ANXA10: variants seen among roughly 807,000 people sequenced by gnomAD.
ANXA10 encodes annexin A10.
Under a neutral mutation model 53.5 loss-of-function variants are expected in ANXA10, and 49 were observed. That is an observed-to-expected ratio of 0.92 (90% CI 0.73 to 1.16). ANXA10 has a LOEUF of 1.16. Ranked by LOEUF, ANXA10 falls within the 50% of genes most tolerant of loss-of-function variation. ANXA10 has a pLI of 0.00. For missense variants in ANXA10, 393 were observed against 394.4 expected (o/e 1.00, Z 0.03); for synonymous variants, 131 against 128.9 (o/e 1.02, Z -0.11).
chr4:168,118,704 C>A (rs939338295), intron 1 of ANXA10, among the ~76,000 whole-genome samples: 1 of 152,090 alleles, frequency 6.6e-6, no homozygotes, highest in Non-Finnish European at 1.5e-5. Flanking sequence ...GGGAAGCAGA[C>A]TTTTAGAGAT....
intron 9 of ANXA10, 31 bp from the exon 10 acceptor site, chr4:168,181,652 T>C (rs777147717): frequency 1.2e-5 from 19 of 1,543,960 alleles, no homozygotes; most frequent in Non-Finnish European, 1.6e-5. Flanking sequence ...TCACTCTCAA[T>C]GTTTCTTCTT....
At chr4:168,123,487 T>C (rs1343649054) in intron 1 of ANXA10, among the ~76,000 whole-genome samples, 1 of 152,180 alleles carries the variant, frequency 6.6e-6, no homozygotes, top group Non-Finnish European at 1.5e-5. Flanking sequence ...ACAGGAATCT[T>C]GCTGAAGGCA....
At chr4:168,167,813 C>G (rs906400712) in intron 6 of ANXA10, among the ~76,000 whole-genome samples, 5 of 152,134 alleles carry the variant, frequency 3.3e-5, no homozygotes, top group African/African-American at 1.2e-4. Flanking sequence ...TTTCACGACT[C>G]AAAAACATTT....
At position 168,096,653 on chromosome 4, in the gene ANXA10, C is replaced by T. The variant is rs192775993; in HGVS notation, c.18+3935C>T. On this transcript the variant is annotated intron_variant, in intron 1 of 11. Transcript: ENST00000359299. ...GAGCACTACTTGCTGAATCTTTCTGCACCTCAATTTTTTTTAACCTGTTAA... is the reference window on the plus strand; with the variant it reads ...GAGCACTACTTGCTGAATCTTTCTGTACCTCAATTTTTTTTAACCTGTTAA... 5.8e-3 allele frequency among the ~76,000 whole-genome samples: 880 copies of T among 151,914 alleles called. 4 individuals are homozygous for T. Among genetic ancestry groups the T allele is most frequent in the South Asian group, 8.9e-3 (43 of 4,812 alleles).
chr4:168,158,483 G>T (rs969275860), intron 3 of ANXA10, among the ~76,000 whole-genome samples: 1 of 152,064 alleles, frequency 6.6e-6, no homozygotes, highest in Non-Finnish European at 1.5e-5. Context: ...TATCATGTAA[G>T]AATTTTTTGT....
chr4:168,170,944 T>C (rs1731973484), intron 6 of ANXA10, among the ~76,000 whole-genome samples: 1 of 152,180 alleles, frequency 6.6e-6, no homozygotes. Context: ...ATTTATACTG[T>C]TAGTAAAATG....
At chr4:168,161,221 T>A (rs1731777508) in intron 3 of ANXA10, among the ~76,000 whole-genome samples, 1 of 152,198 alleles carries the variant, frequency 6.6e-6, no homozygotes, top group Non-Finnish European at 1.5e-5. Flanking sequence ...TAATTCATCT[T>A]GAGTTAATTT....
intron 1 of ANXA10, among the ~76,000 whole-genome samples, chr4:168,099,886 G>A (rs1018622087): frequency 6.6e-6 from 1 of 151,966 alleles, no homozygotes; most frequent in Admixed American, 6.6e-5. Context: ...AGAATCACTG[G>A]GTTACATATA....
intron 6 of ANXA10, among the ~76,000 whole-genome samples, chr4:168,169,782 T>G (rs1457166932): frequency 2.0e-5 from 3 of 152,216 alleles, no homozygotes; most frequent in African/African-American, 2.4e-5. Flanking sequence ...CAATTCTACT[T>G]CTATTTGGTA....
At chr4:168,112,507 T>C (rs1428322957) in intron 1 of ANXA10, among the ~76,000 whole-genome samples, 2 of 152,234 alleles carry the variant, frequency 1.3e-5, no homozygotes, top group Non-Finnish European at 2.9e-5. Context: ...AATGAGATCA[T>C]AAATGATTTT....
intron 8 of ANXA10, chr4:168,178,251 A>G: frequency 2.4e-6 from 1 of 417,580 alleles, no homozygotes; most frequent in South Asian, 2.6e-5. Flanking sequence ...ACTTATTCAA[A>G]TATATTAGCT....
At chr4:168,103,681 T>A (rs1730675950) in intron 1 of ANXA10, among the ~76,000 whole-genome samples, 1 of 151,958 alleles carries the variant, frequency 6.6e-6, no homozygotes, top group Admixed American at 6.6e-5. Flanking sequence ...AATAAAATTG[T>A]CAACATCGAC....
chr4:168,095,121 C>T (rs1730520629), intron 1 of ANXA10, among the ~76,000 whole-genome samples: 1 of 151,974 alleles, frequency 6.6e-6, no homozygotes, highest in African/African-American at 2.4e-5. Flanking sequence ...GGATCTAAAC[C>T]CAGGTATCTC....
At chr4:168,161,441 C>T (rs1239322301) in intron 3 of ANXA10, among the ~76,000 whole-genome samples, 1 of 152,086 alleles carries the variant, frequency 6.6e-6, no homozygotes, top group Non-Finnish European at 1.5e-5. Context: ...GTACCAGTAC[C>T]ATGCTGTTTT....
chr4:168,115,497 GCACACACACA>G lies in ANXA10; in HGVS notation c.19-12555_19-12546del, dbSNP rs67627035. On this transcript the variant is annotated intron_variant, in intron 1 of 11. Transcript: ENST00000359299. Reference sequence around the variant, plus strand: ...TTCCATCCCTCCCTACAATACACACGCACACACACACACACACACACACACACACACACAC... The same window carrying G: ...TTCCATCCCTCCCTACAATACACACGCACACACACACACACACACACACAC... 7.7e-3 allele frequency among the ~76,000 whole-genome samples: 1,051 copies of G among 136,512 alleles called. 3 individuals carry two copies. The highest frequency in any genetic ancestry group is 0.026 in the Middle Eastern group (7 of 270). The allele number at this position is 136,512 out of a possible 152,430, so 89.6% of individuals were successfully genotyped here. A position where few individuals can be genotyped will look rare whatever the true frequency, so the allele number is the denominator to read the frequency against.
intron 2 of ANXA10, among the ~76,000 whole-genome samples, chr4:168,134,178 G>A (rs1731198369): frequency 6.6e-6 from 1 of 151,952 alleles, no homozygotes; most frequent in African/African-American, 2.4e-5. Context: ...GCAAATATAA[G>A]TAACTTTAGC....
chr4:168,187,325 TATG>T (rs759302653), intron 11 of ANXA10, 38 bp from the exon 12 acceptor site: 4 of 1,323,690 alleles, frequency 3.0e-6, no homozygotes, highest in Non-Finnish European at 4.2e-6. Context: ...TTAGAACTAT[TATG>T]ATATTTTATT....
chr4:168,113,979 A>G (rs1412776070), intron 1 of ANXA10, among the ~76,000 whole-genome samples: 1 of 152,168 alleles, frequency 6.6e-6, no homozygotes, highest in Non-Finnish European at 1.5e-5. Flanking sequence ...TTTTCAGTTT[A>G]TAACCTTTCT....
chr4:168,168,712 C>G (rs537336861), intron 6 of ANXA10, among the ~76,000 whole-genome samples: 22 of 152,296 alleles, frequency 1.4e-4, no homozygotes, highest in African/African-American at 5.3e-4. Context: ...AGCCACCGCG[C>G]CTGGCCAATC....
Sources: allele counts gnomAD v4.1 joint callset (sites outside exome capture counted in the v4.1 genomes callset), GRCh38; gene constraint gnomAD v4.1.1; transcripts MANE v1.5; gene names NCBI Gene and HGNC (gene_info 2026-07-23, HGNC 2026-07-21).